The following ARHGAP31 variants were observed in gnomAD, a reference collection of about 807,000 sequenced individuals.
ARHGAP31 encodes the protein Rho GTPase activating protein 31.
A neutral mutation model predicts 113.9 loss-of-function variants in ARHGAP31; 34 were observed. The ratio of observed to expected loss-of-function variants is 0.30; its 90% CI spans 0.23 to 0.40. The LOEUF (loss-of-function observed/expected upper bound fraction) is 0.40. Among genes scored for constraint, ARHGAP31 ranks in the 10% least tolerant of loss-of-function variants. ARHGAP31 has a pLI of 1.00. For synonymous variants in ARHGAP31, 650 were observed against 684.8 expected (o/e 0.95, Z 0.79); for missense variants, 1,548 against 1,767.1 (o/e 0.88, Z 2.22).
At chr3:119,356,108 C>A (rs913636504) in intron 1 of ARHGAP31, among the ~76,000 whole-genome samples, 3 of 152,146 alleles carry the variant, frequency 2.0e-5, no homozygotes, top group African/African-American at 7.2e-5. Flanking sequence ...ATTTATTCGA[C>A]AATTTTCTTC....
At position 119,414,255 on chromosome 3, in the gene ARHGAP31, A is replaced by C; in HGVS notation, c.2326A>C (p.Asn776His). The C allele has an allele frequency of 6.2e-7, 1 of 1,614,170 alleles. No homozygotes were observed. Among genetic ancestry groups the C allele is most frequent in the Non-Finnish European group, 8.5e-7 (1 of 1,180,014 alleles). Residue 776 changes from asparagine to histidine, a missense_variant, in exon 12 of 12, where the codon AAT (asparagine) becomes CAT (histidine). By Grantham distance (68) the Asn-to-His change is moderately conservative (BLOSUM62 1). Coordinates refer to ENST00000264245, the MANE Select transcript of ARHGAP31 (RefSeq NM_020754.4). ...QATVEVGGPG[N>H]LSPPLPPAPP... The stretch of plus-strand genomic sequence containing the variant: ...AACAGTGGAAGTAGGAGGCCCAGGC[A>C]ATCTGTCTCCTCCACTCCCACCTGC...
In ARHGAP31 at chr3:119,374,416, G is replaced by A. The variant is rs143610744; in HGVS notation, c.348+5900G>A. Among the ~76,000 whole-genome samples, 249 of 151,766 alleles carry A rather than the reference G, an allele frequency of 1.6e-3. 7 individuals carry two copies. The East Asian group carries it at 0.042, about 26-fold the overall frequency. ...AGAAGCGGATACTGGAACCATGCTT[G>A]GACAGCCTGCAGAACCATGAACCAA... is the stretch of plus-strand genomic sequence containing the variant. On this transcript the variant is annotated intron_variant, in intron 3 of 11. Transcript: ENST00000264245.
At chr3:119,381,924 T>C (rs77961292) in intron 4 of ARHGAP31, among the ~76,000 whole-genome samples, 1 of 147,592 alleles carries the variant, frequency 6.8e-6, no homozygotes, top group Non-Finnish European at 1.5e-5. Context: ...AGGCGGAGCT[T>C]GCAGTGAGCT....
rs530476966 is a variant in ARHGAP31, at chr3:119,344,245, C to T, written c.101-21071C>T. The stretch of plus-strand genomic sequence containing the variant: ...CGAAATTCAAATTTAACTGGATGTT[C>T]TGTATTTTATCTGTCAACTCTAATC... On this transcript the variant is annotated intron_variant, in intron 1 of 11. Coordinates refer to ENST00000264245, the MANE Select transcript of ARHGAP31 (RefSeq NM_020754.4). Among the ~76,000 whole-genome samples, 6 of 152,312 alleles carry T rather than the reference C, an allele frequency of 3.9e-5. No individual in the cohort carries two copies. In the South Asian group the frequency reaches 1.2e-3, roughly 32 times the overall value.
chr3:119,401,936 A>G lies in ARHGAP31; in HGVS notation c.1184A>G (p.Glu395Gly), dbSNP rs760929413. The G allele has an allele frequency of 3.0e-5, 49 of 1,614,064 alleles. 1 individual carries two copies. In the South Asian group the frequency reaches 5.4e-4, roughly 18 times the overall value. Residue 395 changes from glutamate (E) to glycine (G), a missense_variant, in exon 10 of 12, where the codon GAG becomes GGG. Glu to Gly is a moderately conservative substitution (Grantham distance 98). Coordinates refer to ENST00000264245, the MANE Select transcript of ARHGAP31 (RefSeq NM_020754.4). ...TGSSCDLTKQ[E>G]GEWGQEGMPP... ...AGCTCATGTGACCTCACCAAGCAGGAGGGCGAATGGGGCCAGGAGGGGATG... is the reference window on the plus strand; with the variant it reads ...AGCTCATGTGACCTCACCAAGCAGGGGGGCGAATGGGGCCAGGAGGGGATG...
intron 1 of ARHGAP31, among the ~76,000 whole-genome samples, chr3:119,311,523 T>G (rs1413691133): frequency 2.6e-5 from 4 of 152,244 alleles, no homozygotes; most frequent in Non-Finnish European, 4.4e-5. Flanking sequence ...AAGGTAATAT[T>G]CACAGATTCT....
intron 1 of ARHGAP31, among the ~76,000 whole-genome samples, chr3:119,360,683 T>C (rs555113933): frequency 6.6e-6 from 1 of 152,354 alleles, no homozygotes; most frequent in African/African-American, 2.4e-5. Flanking sequence ...CTGTATAATA[T>C]TTTATGAACT....
Position 119,415,823 on chromosome 3 carries a change from C to G in ARHGAP31, c.3894C>G (p.Leu1298=), listed in dbSNP as rs751971417. Residue 1298 remains leucine (L), a synonymous_variant, in exon 12 of 12, where the codon CTC becomes CTG. Transcript: ENST00000264245. ...CAGAACCAGGCTCGTCTAACCTGCT[C>G]TCCACCCAGGATGCAGTAGTGCAAT... is the stretch of plus-strand genomic sequence containing the variant. ...LSPEPGSSNL[L]STQDAVVQCR... is the part of the protein sequence containing the mutation. The G allele has an allele frequency of 6.2e-6, 10 of 1,614,142 alleles. No individual in the cohort carries two copies. The highest frequency in any genetic ancestry group is 3.3e-5 in the Admixed American group (2 of 60,012).
intron 2 of ARHGAP31, 119 bp from the exon 3 acceptor site, chr3:119,368,253 G>A: frequency 7.6e-7 from 1 of 1,323,438 alleles, no homozygotes; most frequent in South Asian, 1.2e-5. Context: ...TTGAATTAAG[G>A]TCAAAAATAT....
At chr3:119,339,492 C>G (rs999445442) in intron 1 of ARHGAP31, among the ~76,000 whole-genome samples, 1 of 152,078 alleles carries the variant, frequency 6.6e-6, no homozygotes, top group Admixed American at 6.5e-5. Flanking sequence ...TCACTCTACC[C>G]AGTATTGAGG....
chr3:119,314,032 C>T (rs561494232), intron 1 of ARHGAP31, among the ~76,000 whole-genome samples: 19 of 152,344 alleles, frequency 1.2e-4, no homozygotes, highest in Middle Eastern at 3.4e-3. Flanking sequence ...CAAGGTTTGC[C>T]GCCTTCACAT....
intron 1 of ARHGAP31, among the ~76,000 whole-genome samples, chr3:119,327,663 A>G (rs1464758405): frequency 6.6e-6 from 1 of 152,112 alleles, no homozygotes; most frequent in Non-Finnish European, 1.5e-5. Flanking sequence ...TCACCAGTTC[A>G]TGTATATTTT....
At chr3:119,413,117 A>G (rs1395634587) in intron 11 of ARHGAP31, among the ~76,000 whole-genome samples, 1 of 152,024 alleles carries the variant, frequency 6.6e-6, no homozygotes, top group Non-Finnish European at 1.5e-5. Context: ...GGAGTTTGAG[A>G]CCAGTCTGGC....
chr3:119,386,129 A>G (rs931192954), intron 6 of ARHGAP31, among the ~76,000 whole-genome samples: 1 of 152,164 alleles, frequency 6.6e-6, no homozygotes, highest in East Asian at 1.9e-4. Flanking sequence ...ATTCTTACTG[A>G]CTTCAATAAA....
At chr3:119,341,417 A>T (rs1158730339) in intron 1 of ARHGAP31, among the ~76,000 whole-genome samples, 1 of 152,220 alleles carries the variant, frequency 6.6e-6, no homozygotes, top group Admixed American at 6.5e-5. Context: ...AGGTTAACTC[A>T]TTTAATCTGC....
At position 119,415,306 on chromosome 3, in the gene ARHGAP31, C is replaced by T. The variant is rs1306007242; in HGVS notation, c.3377C>T (p.Ser1126Leu). The T allele has an allele frequency of 6.2e-7, 1 of 1,614,220 alleles. No individual in the cohort carries two copies. Among genetic ancestry groups the T allele is most frequent in the Non-Finnish European group, 8.5e-7 (1 of 1,180,038 alleles). ...ADLFWFENVA[S>L]FSSPGMQVSE... ...CTCTTCTGGTTTGAGAATGTGGCCT[C>T]ATTTAGTTCACCTGGAATGCAGGTC... is the stretch of plus-strand genomic sequence containing the variant. Residue 1126 changes from serine to leucine, a missense_variant, in exon 12 of 12, where the codon TCA becomes TTA. Coordinates refer to ENST00000264245, the MANE Select transcript of ARHGAP31 (RefSeq NM_020754.4).
At chr3:119,361,801 G>T (rs1187508386) in intron 1 of ARHGAP31, among the ~76,000 whole-genome samples, 1 of 152,208 alleles carries the variant, frequency 6.6e-6, no homozygotes, top group Non-Finnish European at 1.5e-5. Flanking sequence ...ATTACACAGA[G>T]ATTGAGTCCT....
intron 3 of ARHGAP31, among the ~76,000 whole-genome samples, chr3:119,375,088 A>AT (rs1221170179): frequency 1.3e-5 from 2 of 151,494 alleles, no homozygotes; most frequent in East Asian, 1.9e-4. Flanking sequence ...ATAATAGGGG[A>AT]TTTTTTATTT....
chr3:119,411,472 C>T (rs931569025), intron 11 of ARHGAP31, among the ~76,000 whole-genome samples: 6 of 152,126 alleles, frequency 3.9e-5, no homozygotes, highest in African/African-American at 1.4e-4. Context: ...AAAGGCACCT[C>T]ATAGGTTTCT....
Sources: gnomAD v4.1 joint callset for allele counts (sites outside exome capture counted in the v4.1 genomes callset) on GRCh38, gnomAD v4.1.1 for gene constraint, MANE v1.5 for transcripts, NCBI Gene and HGNC (gene_info 2026-07-23, HGNC 2026-07-21) for gene names.